Variants in HDAC9 observed in about 807,000 individuals in gnomAD.
HDAC9 encodes the protein MEF-2 interacting transcription repressor (MITR) protein.
A neutral mutation model predicts 139.4 loss-of-function variants in HDAC9; 41 were observed. The observed-to-expected ratio is 0.29, with a 90% CI of 0.23 to 0.38. HDAC9 has a LOEUF of 0.38. Among genes scored for constraint, HDAC9 ranks in the 10% least tolerant of loss-of-function variants. The pLI is 1.00. For synonymous variants in HDAC9, 517 were observed against 476.2 expected (o/e 1.09, Z -1.12); for missense variants, 1,147 against 1,297.0 (o/e 0.88, Z 1.78).
At chr7:18,786,233 G>T (rs1010176996) in intron 16 of HDAC9, among the ~76,000 whole-genome samples, 1 of 152,024 alleles carries the variant, frequency 6.6e-6, no homozygotes, top group African/African-American at 2.4e-5. Context: ...ATTGCAACAT[G>T]TTATTCTTCT....
chr7:18,100,139 C>T (rs1328819654), intron 1 of HDAC9, among the ~76,000 whole-genome samples: 1 of 151,990 alleles, frequency 6.6e-6, no homozygotes, highest in Admixed American at 6.6e-5. Context: ...GATGTTACTT[C>T]ACTGTTTTAT....
intron 1 of HDAC9, among the ~76,000 whole-genome samples, chr7:18,389,868 T>C (rs972086295): frequency 1.3e-5 from 2 of 152,162 alleles, no homozygotes; most frequent in Admixed American, 6.5e-5. Flanking sequence ...TTAATAAAAG[T>C]TGGCTTCTGG....
At chr7:18,128,569 A>G (rs1210800207) in intron 1 of HDAC9, among the ~76,000 whole-genome samples, 1 of 152,112 alleles carries the variant, frequency 6.6e-6, no homozygotes, top group Non-Finnish European at 1.5e-5. Context: ...AGTGATTACA[A>G]AAAGCATCTG....
At chr7:18,881,322 A>G (rs890207802) in intron 22 of HDAC9, among the ~76,000 whole-genome samples, 3 of 152,124 alleles carry the variant, frequency 2.0e-5, no homozygotes, top group Non-Finnish European at 2.9e-5. Flanking sequence ...AAACTTTTTT[A>G]GATAGCCTTG....
At chr7:18,458,848 T>C in intron 1 of HDAC9, 1 of 1,534,654 alleles carries the variant, frequency 6.5e-7, no homozygotes, top group Admixed American at 2.0e-5. Flanking sequence ...ACAGACCTCA[T>C]GTGGAACCTT....
chr7:18,248,225 T>C (rs1794684694), intron 2 of HDAC9, among the ~76,000 whole-genome samples: 1 of 152,258 alleles, frequency 6.6e-6, no homozygotes, highest in South Asian at 2.1e-4. Flanking sequence ...GAATTTGCTA[T>C]TTGATGTTTT....
At chr7:18,875,747 A>G (rs902698988) in intron 22 of HDAC9, among the ~76,000 whole-genome samples, 2 of 152,176 alleles carry the variant, frequency 1.3e-5, no homozygotes, top group Non-Finnish European at 2.9e-5. Context: ...GGCCTTTTTA[A>G]AAAATTGTTA....
intron 22 of HDAC9, chr7:18,892,164 G>C (rs17350397): frequency 0.22 from 32,799 of 151,990 alleles, 3,886 homozygotes; most frequent in South Asian, 0.33. Context: ...CTACAGACAC[G>C]AAGTATCTAT....
chr7:18,732,669 A>ATGTGTGCG lies in HDAC9; in HGVS notation c.1909+4913_1909+4914insGTGTGCGT, dbSNP rs1562891987. Among the ~76,000 whole-genome samples the ATGTGTGCG allele has an allele frequency of 3.2e-5, 4 of 123,556 alleles. 1 individual carries two copies. Among genetic ancestry groups the ATGTGTGCG allele is most frequent in the African/African-American group, 7.0e-5 (2 of 28,474 alleles). The allele number at this position is 123,556 out of a possible 152,430, so 81.1% of individuals were successfully genotyped here. On this transcript the variant is annotated intron_variant, in intron 13 of 25. Transcript: ENST00000686413. Reference sequence around the variant, plus strand: ...TGTGTATATATACACACACACGTGTATATGTGTGCGTATGTGTACACACAC... The same window carrying ATGTGTGCG: ...TGTGTATATATACACACACACGTGTATGTGTGCGTATGTGTGCGTATGTGTACACACAC...
intron 1 of HDAC9, among the ~76,000 whole-genome samples, chr7:18,443,612 T>A (rs1463757625): frequency 6.6e-6 from 1 of 152,168 alleles, no homozygotes; most frequent in African/African-American, 2.4e-5. Context: ...TAGTAAACCC[T>A]CAAGACATCT....
At chr7:18,575,544 C>T (rs1825717370) in intron 2 of HDAC9, among the ~76,000 whole-genome samples, 2 of 152,210 alleles carry the variant, frequency 1.3e-5, no homozygotes, top group African/African-American at 2.4e-5. Context: ...TCCATGTTGT[C>T]ACGTGTCAGC....
intron 1 of HDAC9, among the ~76,000 whole-genome samples, chr7:18,153,006 G>A (rs932847491): frequency 1.3e-5 from 2 of 152,162 alleles, no homozygotes; most frequent in Non-Finnish European, 2.9e-5. Flanking sequence ...AGAGAGGGAC[G>A]GAATTGAAGT....
chr7:18,716,377 C>A (rs1784700799), intron 12 of HDAC9, among the ~76,000 whole-genome samples: 2 of 152,114 alleles, frequency 1.3e-5, no homozygotes, highest in African/African-American at 4.8e-5. Flanking sequence ...TTTTCTATTG[C>A]AAAAGACATT....
chr7:18,448,057 TCTCCAA>T (rs998128206), intron 1 of HDAC9, among the ~76,000 whole-genome samples: 1 of 152,194 alleles, frequency 6.6e-6, no homozygotes, highest in East Asian at 1.9e-4. Flanking sequence ...GCCAGGCTGG[TCTCCAA>T]CTCCAACTCC....
chr7:18,437,700 A>G (rs1479338625), intron 1 of HDAC9, among the ~76,000 whole-genome samples: 3 of 151,780 alleles, frequency 2.0e-5, no homozygotes, highest in Admixed American at 6.6e-5. Flanking sequence ...CTTAACTGTT[A>G]GCATCATCAC....
At chr7:18,811,833 G>A (rs1002036056) in intron 17 of HDAC9, among the ~76,000 whole-genome samples, 3 of 151,034 alleles carry the variant, frequency 2.0e-5, no homozygotes, top group Non-Finnish European at 4.5e-5. Context: ...AGAGAGGAGG[G>A]GAGAGTAAAG....
chr7:18,929,508 T>C (rs1369795297), intron 22 of HDAC9, among the ~76,000 whole-genome samples: 2 of 152,056 alleles, frequency 1.3e-5, no homozygotes, highest in Non-Finnish European at 2.9e-5. Flanking sequence ...TGCTTATAAT[T>C]TAATGCTGAT....
Position 18,228,965 on chromosome 7 carries a change from G to T in HDAC9, c.25+66616G>T, listed in dbSNP as rs186500774. Among the ~76,000 whole-genome samples, 12 of 152,282 alleles carry T rather than the reference G, an allele frequency of 7.9e-5. No individual in the cohort carries two copies. The East Asian group carries it at 2.1e-3, about 27-fold the overall frequency. On this transcript the variant is annotated intron_variant, in intron 2 of 12. Transcript: ENST00000417496. ...CCAGTATGGGAACCCATGCAGGGCAGGATCCAGGTTTTGTGGCTTATTAGA... is the reference window on the plus strand; with the variant it reads ...CCAGTATGGGAACCCATGCAGGGCATGATCCAGGTTTTGTGGCTTATTAGA...
At chr7:18,090,250 A>C (rs1323524752) in intron 1 of HDAC9, among the ~76,000 whole-genome samples, 1 of 152,190 alleles carries the variant, frequency 6.6e-6, no homozygotes, top group Non-Finnish European at 1.5e-5. Flanking sequence ...TATGAGAGCA[A>C]GCTGCTCCTG....
Sources: allele counts gnomAD v4.1 joint callset (sites outside exome capture counted in the v4.1 genomes callset), GRCh38; gene constraint gnomAD v4.1.1; transcripts MANE v1.5; gene names NCBI Gene and HGNC (gene_info 2026-07-23, HGNC 2026-07-21).